CAPZB: variants seen among roughly 807,000 people sequenced by gnomAD.
CAPZB encodes capping actin protein of muscle Z-line subunit beta.
In CAPZB, 2 loss-of-function variants were observed where a neutral mutation model predicts 38.1. The ratio of observed to expected loss-of-function variants is 0.05; its 90% confidence interval spans 0.02 to 0.17. The LOEUF (loss-of-function observed/expected upper bound fraction) is 0.17. Ranked by LOEUF, CAPZB falls within the 10% of genes least tolerant of loss-of-function variation. The pLI, the probability that CAPZB is intolerant of heterozygous loss-of-function variation, is 1.00. For missense variants in CAPZB, 161 were observed against 334.2 expected (o/e 0.48, Z 4.04); for synonymous variants, 107 against 127.4 (o/e 0.84, Z 1.08).
At chr1:19,347,293 G>A (rs921678459) in intron 6 of CAPZB, among the ~76,000 whole-genome samples, 17 of 152,306 alleles carry the variant, frequency 1.1e-4, no homozygotes, top group African/African-American at 4.1e-4. Context: ...GGCTCACTGT[G>A]AACAAGCCCT....
chr1:19,432,726 C>A lies in CAPZB; in HGVS notation c.4-12976G>T, dbSNP rs2094446469. 3.3e-5 allele frequency among the ~76,000 whole-genome samples: 5 copies of A among 152,256 alleles called. 1 individual carries two copies. The South Asian group carries it at 8.3e-4, about 25-fold the overall frequency. On this transcript the variant is annotated intron_variant, in intron 1 of 8. Transcript: ENST00000264202. Reference sequence around the variant, plus strand: ...GCCCTGAAGGGTTAGGTGACTTGCCCCAGAGCACTGAATGACACAGAAGGA... The same window carrying A: ...GCCCTGAAGGGTTAGGTGACTTGCCACAGAGCACTGAATGACACAGAAGGA...
At chr1:19,353,417 C>A (rs999734072) in intron 6 of CAPZB, among the ~76,000 whole-genome samples, 1 of 149,752 alleles carries the variant, frequency 6.7e-6, no homozygotes, top group Admixed American at 6.7e-5. Flanking sequence ...ACATCTTGGT[C>A]GTCCAGCCCC....
chr1:19,350,616 T>C (rs1246878003), intron 6 of CAPZB, among the ~76,000 whole-genome samples: 2 of 152,218 alleles, frequency 1.3e-5, no homozygotes, highest in Non-Finnish European at 2.9e-5. Flanking sequence ...GCAGTAATTG[T>C]TTTTATTTTT....
chr1:19,411,389 G>A (rs1015500706), intron 2 of CAPZB, among the ~76,000 whole-genome samples: 2 of 152,146 alleles, frequency 1.3e-5, no homozygotes, highest in Non-Finnish European at 2.9e-5. Context: ...AAAGATGATG[G>A]GAGAGCATCA....
chr1:19,383,887 T>C (rs2094189878), intron 3 of CAPZB, among the ~76,000 whole-genome samples: 1 of 152,004 alleles, frequency 6.6e-6, no homozygotes, highest in South Asian at 2.1e-4. Flanking sequence ...TCTTCTTCCA[T>C]CCCCACCTAC....
chr1:19,421,172 T>G (rs2094399774), intron 1 of CAPZB, among the ~76,000 whole-genome samples: 1 of 152,200 alleles, frequency 6.6e-6, no homozygotes, highest in African/African-American at 2.4e-5. Context: ...TACAGTCTCA[T>G]AAAATACACA....
rs1231416017 is a variant in CAPZB, at chr1:19,444,995, G to A, written c.4-25245C>T. ...TAATCTCCAGTGATCTGCCCGCCTC[G>A]GCCTCCCAAAGTGCTGGGTTTATAG... On this transcript the variant is annotated intron_variant, in intron 1 of 8. Transcript: ENST00000264202. 5.9e-5 allele frequency among the ~76,000 whole-genome samples: 9 copies of A among 152,078 alleles called. No homozygotes were observed. The East Asian group carries it at 1.2e-3, about 20-fold the overall frequency.
intron 2 of CAPZB, among the ~76,000 whole-genome samples, chr1:19,398,372 A>G (rs1282611195): frequency 6.6e-6 from 1 of 152,184 alleles, no homozygotes; most frequent in African/African-American, 2.4e-5. Context: ...GGAGCCACTG[A>G]GTCAGAGGGC....
chr1:19,398,557 C>T (rs1010739970), intron 2 of CAPZB, among the ~76,000 whole-genome samples: 1 of 152,152 alleles, frequency 6.6e-6, no homozygotes, highest in Non-Finnish European at 1.5e-5. Context: ...CTCAACAAGT[C>T]GGGTTGCTTC....
chr1:19,349,765 C>T (rs887397308), intron 6 of CAPZB, among the ~76,000 whole-genome samples: 5 of 152,158 alleles, frequency 3.3e-5, no homozygotes, highest in Admixed American at 1.3e-4. Flanking sequence ...TAAATGGCCA[C>T]GCAGCGGCTG....
chr1:19,446,297 AC>A (rs1290794073), intron 1 of CAPZB, among the ~76,000 whole-genome samples: 1 of 151,398 alleles, frequency 6.6e-6, no homozygotes, highest in Non-Finnish European at 1.5e-5. Flanking sequence ...CTTGAAAACC[AC>A]CCCTGACAAC....
intron 1 of CAPZB, among the ~76,000 whole-genome samples, chr1:19,423,588 A>G (rs1399015393): frequency 6.8e-6 from 1 of 148,082 alleles, no homozygotes; most frequent in African/African-American, 2.5e-5. Flanking sequence ...GTAGTGGCAC[A>G]AGCTCAGCTC....
In CAPZB at chr1:19,375,270, G is replaced by A. The variant is rs554128932; in HGVS notation, c.329+3270C>T. Among the ~76,000 whole-genome samples, 16 of 152,320 alleles carry A rather than the reference G, an allele frequency of 1.1e-4. No homozygotes were observed. In the South Asian group the frequency reaches 2.7e-3, roughly 26 times the overall value. ...TGGTTCAGCTGGGAAAACGTTCCTCGCATGTGGTCCCAGGAGAGAGAGCTC... is the reference window on the plus strand; with the variant it reads ...TGGTTCAGCTGGGAAAACGTTCCTCACATGTGGTCCCAGGAGAGAGAGCTC... On this transcript the variant is annotated intron_variant, in intron 4 of 8. Transcript: ENST00000264202.
At chr1:19,384,943 C>T (rs6426797) in intron 3 of CAPZB, among the ~76,000 whole-genome samples, 151,592 of 152,312 alleles carry the variant, frequency 1, 75,443 homozygotes, top group Middle Eastern at 1. Flanking sequence ...CATACAGTTA[C>T]CAGTTACCCA....
At chr1:19,453,186 T>C (rs1452040178) in intron 1 of CAPZB, among the ~76,000 whole-genome samples, 1 of 152,156 alleles carries the variant, frequency 6.6e-6, no homozygotes, top group Non-Finnish European at 1.5e-5. Context: ...CTGTTAGACT[T>C]ACAACCTGGC....
intron 2 of CAPZB, among the ~76,000 whole-genome samples, chr1:19,415,119 T>G (rs1466882499): frequency 6.6e-6 from 1 of 152,260 alleles, no homozygotes; most frequent in South Asian, 2.1e-4. Context: ...TCCCCCACAG[T>G]TCCCTGGCCC....
chr1:19,430,386 G>A (rs2094438112), intron 1 of CAPZB, among the ~76,000 whole-genome samples: 1 of 152,184 alleles, frequency 6.6e-6, no homozygotes, highest in African/African-American at 2.4e-5. Context: ...TACTTCCACT[G>A]TAGTTTTTTT....
intron 3 of CAPZB, 134 bp downstream of exon 3, chr1:19,385,371 C>T (rs1346272351): frequency 2.3e-6 from 2 of 859,182 alleles, no homozygotes; most frequent in Non-Finnish European, 3.7e-6. Context: ...GAGAGGAGGG[C>T]AGGGAACAAA....
Position 19,429,466 on chromosome 1 carries a change from C to T in CAPZB, c.4-9716G>A, listed in dbSNP as rs116500584. The stretch of plus-strand genomic sequence containing the variant: ...GATATACTAATAATTCCTACTTTCC[C>T]ATACAACCTGCATAAGCAAGTCACC... On this transcript the variant is annotated intron_variant, in intron 1 of 8. Transcript: ENST00000264202. Among the ~76,000 whole-genome samples, 980 of 152,236 alleles carry T rather than the reference C, an allele frequency of 6.4e-3. 13 individuals carry two copies. Among genetic ancestry groups the T allele is most frequent in the African/African-American group, 0.022 (926 of 41,538 alleles).
Sources: allele counts gnomAD v4.1 joint callset (sites outside exome capture counted in the v4.1 genomes callset), GRCh38; gene constraint gnomAD v4.1.1; transcripts MANE v1.5; gene names NCBI Gene and HGNC (gene_info 2026-07-23, HGNC 2026-07-21).